The following CLCN4 variants were observed in gnomAD, a reference collection of about 807,000 sequenced individuals.
CLCN4 encodes H(+)/Cl(-) exchange transporter 4.
In CLCN4, 1 loss-of-function variant was observed where a neutral mutation model predicts 41.7. The observed-to-expected ratio is 0.02, with a 90% CI of 0.01 to 0.11. The LOEUF (loss-of-function observed/expected upper bound fraction) is 0.11. Among genes scored for constraint, CLCN4 ranks in the 10% least tolerant of loss-of-function variants. The pLI is 1.00. For synonymous variants in CLCN4, 277 were observed against 285.8 expected (o/e 0.97, Z 0.31); for missense variants, 287 against 661.0 (o/e 0.43, Z 6.20).
intron 9 of CLCN4, 68 bp downstream of exon 9, chrX:10,208,658 A>C: frequency 9.8e-7 from 1 of 1,020,654 alleles, no homozygotes; most frequent in Admixed American, 2.9e-5. Context: ...CTACTCTCTA[A>C]AATAAAATTG....
rs1924444133 is a variant in CLCN4, at chrX:10,208,186, A to G, written c.985A>G (p.Met329Val). Residue 329 changes from methionine to valine, a missense_variant, in exon 9 of 13, where the codon ATG becomes GTG. This residue lies in a region of CLCN4 where 94 missense variants were observed against 177.9 expected (regional missense o/e 0.53). Transcript: ENST00000380833. ...FYVEYHTPWY[M>V]AELFPFILLG... ...TGTGGAATACCACACGCCCTGGTAC[A>G]TGGCTGAACTCTTCCCCTTCATCCT... 8.3e-7 allele frequency: 1 copy of G among 1,211,024 alleles called. No homozygotes were observed. Among genetic ancestry groups the G allele is most frequent in the Non-Finnish European group, 1.1e-6 (1 of 895,361 alleles).
chrX:10,177,926 G>A (rs1282177005), intron 2 of CLCN4, among the ~76,000 whole-genome samples: 1 of 111,939 alleles, frequency 8.9e-6, no homozygotes, highest in East Asian at 2.8e-4. Flanking sequence ...GCCACACAAT[G>A]GAATCTTATT....
chrX:10,226,904 G>A (rs1296152241), intron 12 of CLCN4, among the ~76,000 whole-genome samples: 1 of 110,717 alleles, frequency 9.0e-6, no homozygotes, highest in Non-Finnish European at 1.9e-5. Context: ...GTAATAAATA[G>A]CCTACCAACC....
chrX:10,200,972 AG>A (rs1924223716), intron 6 of CLCN4, among the ~76,000 whole-genome samples: 10 of 112,563 alleles, frequency 8.9e-5, no homozygotes, highest in Non-Finnish European at 1.3e-4. Flanking sequence ...TACAGGTGTG[AG>A]CCACTGTACC....
In CLCN4 at chrX:10,217,747, AT is replaced by A. The variant is rs59203927; in HGVS notation, c.1976-2899del. Among the ~76,000 whole-genome samples the A allele has an allele frequency of 9.5e-4, 90 of 94,299 alleles. 1 individual carries two copies. Among genetic ancestry groups the A allele is most frequent in the Middle Eastern group, 0.011 (2 of 184 alleles). The allele number at this position is 94,299 out of a possible 115,157, so 81.9% of individuals were successfully genotyped here. A position where few individuals can be genotyped will look rare whatever the true frequency, so the allele number is the denominator to read the frequency against. On this transcript the variant is annotated intron_variant, in intron 11 of 12. Transcript: ENST00000380833. ...GTGCTCATAAAATATACATTCCTTCATTTTTTTTTTTTTTTCACTAAGTCTT... is the reference window on the plus strand; with the variant it reads ...GTGCTCATAAAATATACATTCCTTCATTTTTTTTTTTTTTCACTAAGTCTT...
chrX:10,173,106 C>T (rs1923424713), intron 2 of CLCN4, among the ~76,000 whole-genome samples: 1 of 111,081 alleles, frequency 9.0e-6, no homozygotes, highest in African/African-American at 3.3e-5. Flanking sequence ...TGCCCTCTTC[C>T]CCTCCCCTCT....
Position 10,206,387 on chromosome X carries a change from C to T in CLCN4, c.585C>T (p.Ile195=), listed in dbSNP as rs995188826. ...AGACCATTTTGAGCGGCTTTATCAT[C>T]AGGGGCTACTTGGGGAAGTGGACCC... The part of the protein sequence containing the change: ...EIKTILSGFI[I]RGYLGKWTLL... The change falls in exon 7 of 13, where the codon ATC becomes ATT. Residue 195 remains isoleucine (I), a synonymous_variant. Coordinates refer to ENST00000380833, the MANE Select transcript of CLCN4 (RefSeq NM_001830.4). 5.0e-6 allele frequency: 6 copies of T among 1,209,811 alleles called. No homozygotes were observed. Among genetic ancestry groups the T allele is most frequent in the Non-Finnish European group, 6.7e-6 (6 of 894,756 alleles).
At position 10,161,730 on chromosome X, in the gene CLCN4, T is replaced by C. The variant is rs750370132; in HGVS notation, c.-12+3179T>C. Among the ~76,000 whole-genome samples, 4 of 111,440 alleles carry C rather than the reference T, an allele frequency of 3.6e-5. No homozygotes were observed. In the South Asian group the frequency reaches 1.5e-3, roughly 42 times the overall value. On this transcript the variant is annotated intron_variant, in intron 2 of 12. Coordinates refer to ENST00000380833, the MANE Select transcript of CLCN4 (RefSeq NM_001830.4). ...CTTGGCATCACCCTCTCCCCTGGGG[T>C]TTGGTCTGGACCAAGTAATGAACTT...
At chrX:10,194,800 C>G (rs1326831349) in intron 4 of CLCN4, 111 bp from the exon 5 acceptor site, 4 of 714,374 alleles carry the variant, frequency 5.6e-6, no homozygotes, top group Non-Finnish European at 8.5e-6. Flanking sequence ...ATTGCCTGCT[C>G]TGGAATCTGG....
At chrX:10,164,141 C>G (rs140446297) in intron 2 of CLCN4, among the ~76,000 whole-genome samples, 2 of 111,896 alleles carry the variant, frequency 1.8e-5, no homozygotes, top group Non-Finnish European at 3.8e-5. Context: ...AAACGCTGGT[C>G]AGGGAGGGCA....
intron 2 of CLCN4, among the ~76,000 whole-genome samples, chrX:10,163,403 T>C (rs1161545727): frequency 1.0e-5 from 1 of 98,723 alleles, no homozygotes; most frequent in Non-Finnish European, 2.0e-5. Context: ...TAAATGACTT[T>C]CATTTCTTTT....
intron 2 of CLCN4, among the ~76,000 whole-genome samples, chrX:10,183,213 G>T (rs1923729481): frequency 8.9e-6 from 1 of 111,855 alleles, no homozygotes; most frequent in South Asian, 3.7e-4. Context: ...TCTTCCCTGG[G>T]CACTCATCAG....
At chrX:10,191,692 A>ATTTTTTTTTTT (rs760315418) in intron 4 of CLCN4, among the ~76,000 whole-genome samples, 15 of 49,769 alleles carry the variant, frequency 3.0e-4, no homozygotes, top group African/African-American at 9.2e-4. Flanking sequence ...TATCTGGTTA[A>ATTTTTTTTTTT]TTTTTTTTTT....
chrX:10,232,627 A>C (rs1925154333), intron 12 of CLCN4, among the ~76,000 whole-genome samples: 1 of 111,985 alleles, frequency 8.9e-6, no homozygotes, highest in Non-Finnish European at 1.9e-5. Flanking sequence ...CATTTTACCC[A>C]AGGGACATGA....
intron 6 of CLCN4, among the ~76,000 whole-genome samples, chrX:10,199,166 C>G (rs923523992): frequency 8.9e-6 from 1 of 112,473 alleles, no homozygotes; most frequent in Non-Finnish European, 1.9e-5. Flanking sequence ...AACCTGTTTT[C>G]TCAGCGCAGC....
intron 6 of CLCN4, among the ~76,000 whole-genome samples, chrX:10,199,970 T>C (rs927039723): frequency 8.9e-6 from 1 of 111,768 alleles, no homozygotes; most frequent in Non-Finnish European, 1.9e-5. Flanking sequence ...GGTTTCACCA[T>C]GTTGGCCTAG....
chrX:10,231,917 G>A (rs1004350944), intron 12 of CLCN4, among the ~76,000 whole-genome samples: 1 of 112,229 alleles, frequency 8.9e-6, no homozygotes, highest in African/African-American at 3.2e-5. Flanking sequence ...TTACATTGGG[G>A]GTTGCAAAGT....
intron 11 of CLCN4, among the ~76,000 whole-genome samples, chrX:10,219,383 A>G (rs1176161154): frequency 8.9e-6 from 1 of 112,413 alleles, no homozygotes; most frequent in Non-Finnish European, 1.9e-5. Flanking sequence ...GGGTAAGGAC[A>G]GAATCATCTT....
intron 12 of CLCN4, among the ~76,000 whole-genome samples, chrX:10,224,334 ATGTGAGTGTGTG>A (rs1924935849): frequency 6.4e-5 from 4 of 62,297 alleles, no homozygotes; most frequent in African/African-American, 1.8e-4. Context: ...GTGTGTGTGT[ATGTGAGTGTGTG>A]TGTGTTATAG....
Sources: allele counts gnomAD v4.1 joint callset (sites outside exome capture counted in the v4.1 genomes callset), GRCh38; gene constraint gnomAD v4.1.1; regional missense constraint gnomAD v4.1.1; transcripts MANE v1.5; gene names NCBI Gene and HGNC (gene_info 2026-07-23, HGNC 2026-07-21).